ENAM: variants seen among roughly 807,000 people sequenced by gnomAD.
ENAM encodes amelogenesis imperfecta 2, hypocalcification (autosomal dominant).
ENAM carries 21 observed loss-of-function variants against 33.6 expected under a neutral mutation model. The ratio of observed to expected loss-of-function variants is 0.63; its 90% CI spans 0.44 to 0.90. The LOEUF is 0.90. ENAM is among the 40% of genes least tolerant of loss of function. The pLI, the probability that ENAM is intolerant of heterozygous loss-of-function variation, is 0.00. For synonymous variants in ENAM, 473 were observed against 468.4 expected, an observed-to-expected ratio of 1.01 and a Z score of -0.13; for missense variants, 1,388 against 1,366.9, an observed-to-expected ratio of 1.02 and a Z score of -0.24.
Position 70,644,470 on chromosome 4 carries a change from C to A in ENAM, c.3044C>A (p.Thr1015Asn). 6.2e-7 allele frequency: 1 copy of A among 1,614,140 alleles called. No individual in the cohort carries two copies. Among genetic ancestry groups the A allele is most frequent in the Non-Finnish European group, 8.5e-7 (1 of 1,180,004 alleles). The part of the protein sequence containing the change: ...NQLNERTVDL[T>N]PEQLVIGTPD... Reference sequence around the variant, plus strand: ...CTCAATGAAAGAACTGTTGACCTTACTCCTGAGCAGCTTGTTATTGGTACA... The same window carrying A: ...CTCAATGAAAGAACTGTTGACCTTAATCCTGAGCAGCTTGTTATTGGTACA... Residue 1015 changes from threonine (T) to asparagine (N), a missense_variant, in exon 9 of 9, where the codon ACT becomes AAT. Thr to Asn is a moderately conservative substitution (Grantham distance 65). Coordinates refer to ENST00000396073, the MANE Select transcript of ENAM (RefSeq NM_031889.3).
chr4:70,644,358 C>G lies in ENAM; in HGVS notation c.2932C>G (p.Leu978Val), dbSNP rs756966484. Residue 978 changes from leucine (L) to valine (V), a missense_variant, in exon 9 of 9, where the codon CTT becomes GTT. Leu to Val is a conservative substitution (Grantham distance 32). Coordinates refer to ENST00000396073, the MANE Select transcript of ENAM (RefSeq NM_031889.3). ...TATGCCCTTTCCTGAAGCCAGTTCC[C>G]TTCAATCAAAGAATACACCTTGTCT... The part of the protein sequence containing the change: ...EIMPFPEASS[L>V]QSKNTPCLKN... The G allele has an allele frequency of 2.5e-6, 4 of 1,614,206 alleles. No individual in the cohort carries two copies. In the South Asian group the frequency reaches 3.3e-5, roughly 13 times the overall value.
chr4:70,644,066 A>G lies in ENAM; in HGVS notation c.2640A>G (p.Thr880=), dbSNP rs1738688797. The G allele has an allele frequency of 1.9e-6, 3 of 1,613,926 alleles. No homozygotes were observed. The highest frequency in any genetic ancestry group is 2.2e-5 in the East Asian group (1 of 44,886). Reference sequence around the variant, plus strand: ...GCTCTTGCTGTGCTGGTAGCTCCACAGGGCCCAAGGACAATCCACTAGCTC... The same window carrying G: ...GCTCTTGCTGTGCTGGTAGCTCCACGGGGCCCAAGGACAATCCACTAGCTC... ...QRGSCCAGSS[T]GPKDNPLALQ... is the part of the protein sequence containing the mutation. Residue 880 remains threonine (T), a synonymous_variant, in exon 9 of 9, where the codon ACA becomes ACG. Coordinates refer to ENST00000396073, the MANE Select transcript of ENAM (RefSeq NM_031889.3).
Position 70,644,283 on chromosome 4 carries a change from A to G in ENAM, c.2857A>G (p.Arg953Gly), listed in dbSNP as rs762021258. 2 of 1,614,242 alleles carry G rather than the reference A, an allele frequency of 1.2e-6. No individual in the cohort carries two copies. Among genetic ancestry groups the G allele is most frequent in the Non-Finnish European group, 1.7e-6 (2 of 1,180,026 alleles). The change falls in exon 9 of 9, where the codon AGG (arginine) becomes GGG (glycine). Residue 953 changes from arginine to glycine, a missense_variant. Physicochemically the swap from Arg to Gly is moderately radical, Grantham distance 125. Coordinates refer to ENST00000396073, the MANE Select transcript of ENAM (RefSeq NM_031889.3). ...NPFRDDVSTL[R>G]RNTPCSIKNQ... ...TTTTAGAGATGATGTGTCCACGCTGAGGAGGAACACACCATGTTCTATAAA... is the reference window on the plus strand; with the variant it reads ...TTTTAGAGATGATGTGTCCACGCTGGGGAGGAACACACCATGTTCTATAAA...
At position 70,642,468 on chromosome 4, in the gene ENAM, C is replaced by A. The variant is rs942199747; in HGVS notation, c.1042C>A (p.Pro348Thr). ...TGTCATGGGGCACAGACAGAATAGG[C>A]CTTTTTACAGAAATCAACAAGTTCA... ...GTVMGHRQNR[P>T]FYRNQQVQRG... is the part of the protein sequence containing the mutation. The change falls in exon 9 of 9, where the codon CCT becomes ACT. Residue 348 changes from proline (P) to threonine (T), a missense_variant. Physicochemically the swap from Pro to Thr is conservative, Grantham distance 38. Transcript: ENST00000396073. 17 of 1,613,858 alleles carry A rather than the reference C, an allele frequency of 1.1e-5. No individual in the cohort carries two copies. The highest frequency in any genetic ancestry group is 1.3e-5 in the African/African-American group (1 of 74,890).
Position 70,631,850 on chromosome 4 carries a change from T to G in ENAM, c.125T>G (p.Met42Arg). ...TCACTGACATTCTCTTACTTCCAGA[T>G]GCACATGCCCCGAATGCCTGGATTT... is the stretch of plus-strand genomic sequence containing the variant. ...GLLGNSVAMP[M>R]HMPRMPGFSS... The change falls in exon 4 of 9, where the codon ATG (methionine) becomes AGG (arginine). Residue 42 changes from methionine (M) to arginine (R), a missense_variant and splice_region_variant. Physicochemically the swap from Met to Arg is moderately conservative, Grantham distance 91. Transcript: ENST00000396073. The G allele has an allele frequency of 1.2e-6, 2 of 1,614,088 alleles. No homozygotes were observed. Among genetic ancestry groups the G allele is most frequent in the Non-Finnish European group, 8.5e-7 (1 of 1,179,940 alleles).
In ENAM at chr4:70,645,541, C is replaced by T. The variant is rs1471427745; in HGVS notation, c.*686C>T. 1.3e-5 allele frequency: 2 copies of T among 152,098 alleles called. No individual in the cohort carries two copies. The highest frequency in any genetic ancestry group is 2.9e-5 in the Non-Finnish European group (2 of 68,104). The allele number at this position is 152,098 out of a possible 1,614,324, so 9.4% of individuals were successfully genotyped here. ...ATGTCTACCTCCTCCATTATGTCTT[C>T]GTCTCTTCCAACCTATCTGTTCTGT... is the stretch of plus-strand genomic sequence containing the variant. On this transcript the variant is annotated 3_prime_UTR_variant, in exon 9 of 9. Coordinates refer to ENST00000396073, the MANE Select transcript of ENAM (RefSeq NM_031889.3).
At chr4:70,635,771 CT>C in intron 6 of ENAM, 60 bp from the exon 7 acceptor site, 1 of 1,081,026 alleles carries the variant, frequency 9.3e-7, no homozygotes, top group Non-Finnish European at 1.4e-6. Flanking sequence ...AGTTAGTTTC[CT>C]TCATTTTTTT....
chr4:70,634,491 A>G lies in ENAM; in HGVS notation c.394A>G (p.Lys132Glu). 6.2e-7 allele frequency: 1 copy of G among 1,614,146 alleles called. No individual in the cohort carries two copies. The highest frequency in any genetic ancestry group is 2.2e-5 in the East Asian group (1 of 44,876). The change falls in exon 6 of 9, where the codon AAG becomes GAG. Residue 132 changes from lysine to glutamate, a missense_variant. Coordinates refer to ENST00000396073, the MANE Select transcript of ENAM (RefSeq NM_031889.3). ...GAAACCCAACCAGACTCAGTCAAAA[A>G]AGCCACCACAAAAGCGGCCTTTGAA... The part of the protein sequence containing the change: ...TQKPNQTQSK[K>E]PPQKRPLKQP...
intron 8 of ENAM, 22 bp from the exon 9 acceptor site, chr4:70,641,993 A>C (rs925115652): frequency 6.3e-7 from 1 of 1,586,498 alleles, no homozygotes; most frequent in African/African-American, 1.3e-5. Context: ...GCAATTATTG[A>C]TTTCCATTTT....
Position 70,643,816 on chromosome 4 carries a change from C to A in ENAM, c.2390C>A (p.Pro797Gln). 1 of 1,614,156 alleles carries A rather than the reference C, an allele frequency of 6.2e-7. No homozygotes were observed. Among genetic ancestry groups the A allele is most frequent in the Non-Finnish European group, 8.5e-7 (1 of 1,180,030 alleles). The change falls in exon 9 of 9, where the codon CCA (proline) becomes CAA (glutamine). Residue 797 changes from proline to glutamine, a missense_variant. Pro to Gln is a moderately conservative substitution (Grantham distance 76, BLOSUM62 -1). Transcript: ENST00000396073. ...CAGGCAACACATTTACAAAAAGCCCCAGCTAGGCCACCAGACCAGAAAGGT... is the reference window on the plus strand; with the variant it reads ...CAGGCAACACATTTACAAAAAGCCCAAGCTAGGCCACCAGACCAGAAAGGT... ...WDQATHLQKAPARPPDQKGNQ... is the reference protein window; with the variant it reads ...WDQATHLQKAQARPPDQKGNQ...
At position 70,628,947 on chromosome 4, in the gene ENAM, G is replaced by A. The variant is rs1184108112; in HGVS notation, c.-78G>A. ...TAAAAATTATTTTTTATATATTACA[G>A]CTTCTAATTGGCATTGGGTGAGTAT... On this transcript the variant is annotated 5_prime_UTR_variant, in exon 1 of 9. Transcript: ENST00000396073. 6.5e-6 allele frequency: 1 copy of A among 152,820 alleles called. No homozygotes were observed. Among genetic ancestry groups the A allele is most frequent in the East Asian group, 1.9e-4 (1 of 5,210 alleles). 9.5% of individuals were successfully genotyped at this position (152,820 alleles called of 1,614,324 possible).
At chr4:70,637,726 TACAA>T (rs1336613733) in intron 7 of ENAM, 60 bp from the exon 8 acceptor site, 1 of 1,266,728 alleles carries the variant, frequency 7.9e-7, no homozygotes, top group Non-Finnish European at 1.2e-6. Flanking sequence ...CCCTGAGTCT[TACAA>T]ACAAATGGCG....
chr4:70,638,252 G>A (rs1264108033), intron 8 of ENAM, among the ~76,000 whole-genome samples: 6 of 152,052 alleles, frequency 3.9e-5, no homozygotes, highest in Admixed American at 2.6e-4. Flanking sequence ...ACCACACTAG[G>A]AGAAGAACCA....
At chr4:70,637,287 T>A (rs1024092714) in intron 7 of ENAM, among the ~76,000 whole-genome samples, 1 of 152,198 alleles carries the variant, frequency 6.6e-6, no homozygotes, top group African/African-American at 2.4e-5. Flanking sequence ...AATAAAAATA[T>A]CATAGTAATA....
At chr4:70,634,660 G>A (rs1738407610) in intron 6 of ENAM, 92 bp downstream of exon 6, 2 of 1,211,550 alleles carry the variant, frequency 1.7e-6, no homozygotes, top group Non-Finnish European at 2.4e-6. Flanking sequence ...TTCAATACAG[G>A]TACTCTGTTG....
rs1738618117 is a variant in ENAM, at chr4:70,642,267, A to T, written c.841A>T (p.Asn281Tyr). The T allele has an allele frequency of 3.1e-6, 5 of 1,614,090 alleles. No individual in the cohort carries two copies. The highest frequency in any genetic ancestry group is 2.7e-5 in the African/African-American group (2 of 74,932). ...CAGTACCCCAGGACTAAACACTGGG[A>T]ACAACCCTCCAGCTCAAAATGGGAT... is the stretch of plus-strand genomic sequence containing the variant. ...GNSTPGLNTG[N>Y]NPPAQNGIGP... Residue 281 changes from asparagine (N) to tyrosine (Y), a missense_variant, in exon 9 of 9, where the codon AAC becomes TAC. Asn to Tyr is a moderately radical substitution (Grantham distance 143). Transcript: ENST00000396073.
Position 70,643,383 on chromosome 4 carries a change from G to A in ENAM, c.1957G>A (p.Glu653Lys). 1 of 1,614,078 alleles carries A rather than the reference G, an allele frequency of 6.2e-7. No homozygotes were observed. Residue 653 changes from glutamate to lysine, a missense_variant, in exon 9 of 9, where the codon GAA becomes AAA. Coordinates refer to ENST00000396073, the MANE Select transcript of ENAM (RefSeq NM_031889.3). ...CCAGAAGGAGATAGTCCCTTATAAT[G>A]AAGAGGACCCAGTTGATCCAACTGG... ...PDQKEIVPYN[E>K]EDPVDPTGDE... is the part of the protein sequence containing the mutation.
chr4:70,630,991 C>T (rs1440275202), intron 2 of ENAM, among the ~76,000 whole-genome samples: 1 of 152,186 alleles, frequency 6.6e-6, no homozygotes, highest in African/African-American at 2.4e-5. Context: ...ATCCACCCAC[C>T]TCAGCCTCCC....
intron 2 of ENAM, among the ~76,000 whole-genome samples, chr4:70,630,034 G>C (rs1009771608): frequency 6.6e-6 from 1 of 152,072 alleles, no homozygotes; most frequent in Non-Finnish European, 1.5e-5. Flanking sequence ...CTCTTTATTA[G>C]TTTCCACATA....
Sources: gnomAD v4.1 joint callset for allele counts (sites outside exome capture counted in the v4.1 genomes callset) on GRCh38, gnomAD v4.1.1 for gene constraint, MANE v1.5 for transcripts, NCBI Gene and HGNC (gene_info 2026-07-23, HGNC 2026-07-21) for gene names.